The following WHAMM variants were observed in gnomAD, a reference collection of about 807,000 sequenced individuals.
WHAMM encodes WASP homolog associated with actin, golgi membranes and microtubules.
WHAMM carries 67 observed loss-of-function variants against 76.5 expected under a neutral mutation model. That is an observed-to-expected ratio of 0.88 (90% CI 0.72 to 1.07). The LOEUF (loss-of-function observed/expected upper bound fraction) is 1.07. Ranked by LOEUF, WHAMM falls within the 50% of genes least tolerant of loss-of-function variation. The probability of loss-of-function intolerance (pLI) is 0.00; values close to 1 mark genes in which losing one functional copy is unlikely to be tolerated. For missense variants in WHAMM, 1,021 were observed against 1,051.1 expected (o/e 0.97, Z 0.40); for synonymous variants, 419 against 422.1 (o/e 0.99, Z 0.09).
At chr15:82,816,503 T>C (rs2050728788) in intron 2 of WHAMM, among the ~76,000 whole-genome samples, 189 bp from the exon 3 acceptor site, 1 of 152,238 alleles carries the variant, frequency 6.6e-6, no homozygotes, top group Non-Finnish European at 1.5e-5. Context: ...AGTGTCCTTT[T>C]GTCTTACAGG....
intron 8 of WHAMM, 22 bp downstream of exon 8, chr15:82,826,868 CT>C: frequency 2.1e-6 from 3 of 1,413,796 alleles, no homozygotes; most frequent in Non-Finnish European, 2.8e-6. Context: ...AAACAATCAC[CT>C]CATCTACACT....
chr15:82,810,640 A>G, intron 1 of WHAMM: 1 of 985,480 alleles, frequency 1.0e-6, no homozygotes, highest in Non-Finnish European at 1.2e-6. Context: ...TGTAACAGGA[A>G]ATGCCAGAAA....
In WHAMM at chr15:82,834,585, T is replaced by G. The variant is rs2051101061; in HGVS notation, c.*1049T>G. On this transcript the variant is annotated 3_prime_UTR_variant, in exon 10 of 10. Transcript: ENST00000286760. ...GTGGCCTTCTGTGCATATGGAATAA[T>G]GATTTCTCAGATTTGTAGGCTTGAA... 6.5e-6 allele frequency: 1 copy of G among 152,694 alleles called. No individual in the cohort carries two copies. The highest frequency in any genetic ancestry group is 1.5e-5 in the Non-Finnish European group (1 of 68,042). 9.5% of individuals were successfully genotyped at this position (152,694 alleles called of 1,614,324 possible).
At chr15:82,815,938 CTT>C (rs1446400074) in intron 2 of WHAMM, among the ~76,000 whole-genome samples, 1 of 152,072 alleles carries the variant, frequency 6.6e-6, no homozygotes, top group South Asian at 2.1e-4. Context: ...AACAACAAAA[CTT>C]TTTTTTCACA....
At chr15:82,810,471 C>T (rs1478288084) in intron 1 of WHAMM, 136 bp downstream of exon 1, 1 of 1,224,052 alleles carries the variant, frequency 8.2e-7, no homozygotes, top group East Asian at 3.4e-5. Flanking sequence ...CGCGGGCTCC[C>T]CAGTGCCGTC....
rs1458336168 is a variant in WHAMM at position 82,819,357 on chromosome 15, ATGT to A, written c.1143_1145del (p.Val382del). On this transcript the variant is annotated inframe_deletion, in exon 5 of 10. Coordinates refer to ENST00000286760, the MANE Select transcript of WHAMM (RefSeq NM_001080435.3). ...CTTCCAGAACAAGAAAAAAATACAAATGTTGTAGATGAATTAGAAATACAATTT... is the reference window on the plus strand; with the variant it reads ...CTTCCAGAACAAGAAAAAAATACAAATGTAGATGAATTAGAAATACAATTT... 4 of 1,137,772 alleles carry A rather than the reference ATGT, an allele frequency of 3.5e-6. No homozygotes were observed. The highest frequency in any genetic ancestry group is 3.8e-5 in the Admixed American group (1 of 26,260). The allele number at this position is 1,137,772 out of a possible 1,614,324, so 70.5% of individuals were successfully genotyped here. A position where few individuals can be genotyped will look rare whatever the true frequency, so the allele number is the denominator to read the frequency against.
chr15:82,825,637 A>G (rs1227857975), intron 6 of WHAMM, among the ~76,000 whole-genome samples: 1 of 152,098 alleles, frequency 6.6e-6, no homozygotes, highest in Non-Finnish European at 1.5e-5. Flanking sequence ...CATCTGTTAA[A>G]AGAGGATGAT....
Position 82,813,272 on chromosome 15 carries a change from T to C in WHAMM, c.779T>C (p.Ile260Thr), listed in dbSNP as rs1319374520. The change falls in exon 2 of 10, where the codon ATT becomes ACT. Residue 260 changes from isoleucine (I) to threonine (T), a missense_variant. Ile to Thr is a moderately conservative substitution (Grantham distance 89). This residue lies in a region of WHAMM where 501 missense variants were observed against 524.9 expected (regional missense o/e 0.95). Coordinates refer to ENST00000286760, the MANE Select transcript of WHAMM (RefSeq NM_001080435.3). ...GTTGCAACTTTATGTAAGCTTGATATTTTGGTATGTTTTTTTAAAATTTTT... is the reference window on the plus strand; with the variant it reads ...GTTGCAACTTTATGTAAGCTTGATACTTTGGTATGTTTTTTTAAAATTTTT... ...REVATLCKLD[I>T]LKSLDEDDLG... The C allele has an allele frequency of 7.8e-6, 12 of 1,534,234 alleles. No individual in the cohort carries two copies. The highest frequency in any genetic ancestry group is 4.4e-6 in the Non-Finnish European group (5 of 1,143,916).
chr15:82,826,735 A>G lies in WHAMM; in HGVS notation c.1546-16A>G, dbSNP rs1051130877. 1.3e-6 allele frequency: 2 copies of G among 1,534,472 alleles called. No homozygotes were observed. Among genetic ancestry groups the G allele is most frequent in the East Asian group, 2.4e-5 (1 of 40,862 alleles). ...AATGTTGAGCAATTTACAAATATACATTTGTTTAAATATAGAAAAGAGACA... is the reference window on the plus strand; with the variant it reads ...AATGTTGAGCAATTTACAAATATACGTTTGTTTAAATATAGAAAAGAGACA... On this transcript the variant is annotated splice_polypyrimidine_tract_variant and intron_variant, in intron 7 of 9. Coordinates refer to ENST00000286760, the MANE Select transcript of WHAMM (RefSeq NM_001080435.3).
At chr15:82,825,563 C>G (rs964181604) in intron 6 of WHAMM, among the ~76,000 whole-genome samples, 3 of 152,136 alleles carry the variant, frequency 2.0e-5, no homozygotes, top group Admixed American at 2.0e-4. Flanking sequence ...CACAGCTTGG[C>G]CACTTAGGTA....
Position 82,823,291 on chromosome 15 carries a change from G to A in WHAMM, c.1458+4G>A, listed in dbSNP as rs755230937. The stretch of plus-strand genomic sequence containing the variant: ...AGCCTCTCTCCGGAGTAGAAAGGTA[G>A]GTACGCTCAGAGCGGCTTTCTTTTC... On this transcript the variant is annotated splice_donor_region_variant and intron_variant, in intron 6 of 9. Transcript: ENST00000286760. The A allele has an allele frequency of 6.8e-7, 1 of 1,460,986 alleles. No homozygotes were observed. Among genetic ancestry groups the A allele is most frequent in the Non-Finnish European group, 9.1e-7 (1 of 1,097,818 alleles). 90.5% of individuals were successfully genotyped at this position (1,460,986 alleles called of 1,614,324 possible). A position where few individuals can be genotyped will look rare whatever the true frequency, so the allele number is the denominator to read the frequency against.
chr15:82,823,175 G>A lies in WHAMM; in HGVS notation c.1346G>A (p.Gly449Glu). 6.4e-7 allele frequency: 1 copy of A among 1,573,038 alleles called. No homozygotes were observed. Among genetic ancestry groups the A allele is most frequent in the Non-Finnish European group, 8.6e-7 (1 of 1,156,282 alleles). ...CTTAAAGTCATTGACTGTGTGGTGG[G>A]GCTGCAGGATGATAAGAATTTGGAA... is the stretch of plus-strand genomic sequence containing the variant. Reference protein sequence around the residue: ...EELKVIDCVVGLQDDKNLEVK... With the variant: ...EELKVIDCVVELQDDKNLEVK... The change falls in exon 6 of 10, where the codon GGG (glycine) becomes GAG (glutamate). Residue 449 changes from glycine (G) to glutamate (E), a missense_variant. Physicochemically the swap from Gly to Glu is moderately conservative, Grantham distance 98 (BLOSUM62 -2). Around this residue, in one of 3 missense-constraint regions of WHAMM, gnomAD observed 509 missense variants for 492.3 expected, o/e 1.03. Transcript: ENST00000286760.
chr15:82,814,348 A>G (rs1269139942), intron 2 of WHAMM, among the ~76,000 whole-genome samples: 2 of 152,212 alleles, frequency 1.3e-5, no homozygotes, highest in African/African-American at 2.4e-5. Context: ...ATAGTATCAC[A>G]TTTAGATGAG....
rs772280898 is a variant in WHAMM at position 82,830,741 on chromosome 15, G to A, written c.1784G>A (p.Gly595Asp). The change falls in exon 9 of 10, where the codon GGT becomes GAT. Residue 595 changes from glycine to aspartate, a missense_variant. Physicochemically the swap from Gly to Asp is moderately conservative, Grantham distance 94. Transcript: ENST00000286760. Reference sequence around the variant, plus strand: ...CACCCGTCCTCTAGGAAAACTAGAGGTGTTCCCCTATCGGAAGCTGGTAAT... The same window carrying A: ...CACCCGTCCTCTAGGAAAACTAGAGATGTTCCCCTATCGGAAGCTGGTAAT... ...VIHPSSRKTR[G>D]VPLSEAGNVK... The A allele has an allele frequency of 2.9e-5, 46 of 1,613,828 alleles. No homozygotes were observed. Among genetic ancestry groups the A allele is most frequent in the Admixed American group, 2.5e-4 (15 of 59,996 alleles).
chr15:82,832,966 C>A (rs1341644285), intron 9 of WHAMM, among the ~76,000 whole-genome samples: 1 of 152,160 alleles, frequency 6.6e-6, no homozygotes, highest in Non-Finnish European at 1.5e-5. Flanking sequence ...AACAAAAGTG[C>A]ATGTCTGTTC....
chr15:82,825,177 G>A (rs189384297), intron 6 of WHAMM, among the ~76,000 whole-genome samples: 1 of 152,170 alleles, frequency 6.6e-6, no homozygotes, highest in Non-Finnish European at 1.5e-5. Flanking sequence ...TTCTTTGCAT[G>A]TTTGTGTTTA....
At chr15:82,826,599 A>G in intron 7 of WHAMM, 103 bp downstream of exon 7, 2 of 1,583,114 alleles carry the variant, frequency 1.3e-6, no homozygotes, top group Non-Finnish European at 1.7e-6. Context: ...TGCAGCTGTC[A>G]GCCATTAGCC....
At chr15:82,815,243 C>T (rs1248956833) in intron 2 of WHAMM, among the ~76,000 whole-genome samples, 7 of 147,392 alleles carry the variant, frequency 4.7e-5, no homozygotes, top group Non-Finnish European at 7.4e-5. Flanking sequence ...CAAAAGAAAC[C>T]CTGTACCCTT....
chr15:82,813,292 A>T lies in WHAMM; in HGVS notation c.783+16A>T, dbSNP rs1245768897. ...TGATATTTTGGTATGTTTTTTTAAA[A>T]TTTTTACTTTATCAGATTTACTATT... On this transcript the variant is annotated intron_variant, in intron 2 of 9. Transcript: ENST00000286760. The T allele has an allele frequency of 1.3e-6, 2 of 1,497,238 alleles. No homozygotes were observed. Among genetic ancestry groups the T allele is most frequent in the African/African-American group, 1.4e-5 (1 of 70,526 alleles). The allele number at this position is 1,497,238 out of a possible 1,614,324, so 92.7% of individuals were successfully genotyped here.
Sources: gnomAD v4.1 joint callset for allele counts (sites outside exome capture counted in the v4.1 genomes callset) on GRCh38, gnomAD v4.1.1 for gene constraint, gnomAD v4.1.1 regional missense constraint, MANE v1.5 for transcripts, NCBI Gene and HGNC (gene_info 2026-07-23, HGNC 2026-07-21) for gene names.